Variants in OSBPL6 observed in about 807,000 individuals in gnomAD.
OSBPL6 encodes oxysterol-binding protein-related protein 6.
In OSBPL6, 49 loss-of-function variants were observed where a neutral mutation model predicts 125.8. The ratio of observed to expected loss-of-function variants is 0.39; its 90% CI spans 0.31 to 0.49. The LOEUF (loss-of-function observed/expected upper bound fraction) is 0.49, where lower values mean the gene tolerates loss of function less well. OSBPL6 is among the 20% of genes least tolerant of loss of function. The probability of loss-of-function intolerance (pLI) is 0.88; values close to 1 mark genes in which losing one functional copy is unlikely to be tolerated. For missense variants in OSBPL6, 986 were observed against 1,135.4 expected (o/e 0.87, Z 1.89); for synonymous variants, 394 against 391.8 (o/e 1.01, Z -0.07).
At chr2:178,348,568 G>A (rs1452184702) in intron 11 of OSBPL6, among the ~76,000 whole-genome samples, 1 of 152,148 alleles carries the variant, frequency 6.6e-6, no homozygotes, top group African/African-American at 2.4e-5. Flanking sequence ...CTGCTTCTCA[G>A]TATTGGCTGG....
Position 178,274,153 on chromosome 2 carries a change from T to G in OSBPL6, c.-350-10774T>G, listed in dbSNP as rs557084306. ...CTTGGAAATATTCTGAGCTGATGCT[T>G]TTAGTTATTGCAAGCTAGTAAAAGA... On this transcript the variant is annotated intron_variant, in intron 1 of 24. Coordinates refer to ENST00000190611, the MANE Select transcript of OSBPL6 (RefSeq NM_032523.4). Among the ~76,000 whole-genome samples, 3 of 152,314 alleles carry G rather than the reference T, an allele frequency of 2.0e-5. No individual in the cohort carries two copies. The East Asian group carries it at 5.8e-4, about 29-fold the overall frequency.
At chr2:178,394,007 T>A (rs1186852189) in intron 23 of OSBPL6, among the ~76,000 whole-genome samples, 1 of 152,192 alleles carries the variant, frequency 6.6e-6, no homozygotes, top group Non-Finnish European at 1.5e-5. Flanking sequence ...CCTGAAAATC[T>A]CAAGTTATAG....
chr2:178,336,559 C>T, intron 9 of OSBPL6, 126 bp downstream of exon 9: 2 of 1,073,394 alleles, frequency 1.9e-6, no homozygotes, highest in East Asian at 2.5e-5. Context: ...CCTTTCCTTG[C>T]TCTTTCTCCC....
At chr2:178,242,698 T>G (rs1480809822) in intron 1 of OSBPL6, among the ~76,000 whole-genome samples, 1 of 152,240 alleles carries the variant, frequency 6.6e-6, no homozygotes, top group Non-Finnish European at 1.5e-5. Context: ...GTTGATGCAG[T>G]GATTTTATAC....
chr2:178,220,888 A>G (rs334030), intron 1 of OSBPL6, among the ~76,000 whole-genome samples: 2,670 of 152,274 alleles, frequency 0.018, 75 homozygotes, highest in African/African-American at 0.061. Flanking sequence ...GAGATGCTGC[A>G]TGGAAATATG....
intron 11 of OSBPL6, among the ~76,000 whole-genome samples, chr2:178,341,941 G>A (rs1223172585): frequency 1.6e-4 from 24 of 152,086 alleles, no homozygotes; most frequent in Non-Finnish European, 4.4e-5. Flanking sequence ...TCTAGGATGA[G>A]TATGACAACA....
rs758212853 is a variant in OSBPL6 at position 178,361,765 on chromosome 2, A to G, written c.1237A>G (p.Ser413Gly). The change falls in exon 13 of 25, where the codon AGT (serine) becomes GGT (glycine). Residue 413 changes from serine (S) to glycine (G), a missense_variant. Ser to Gly is a moderately conservative substitution (Grantham distance 56). Around this residue, in one of 3 missense-constraint regions of OSBPL6, gnomAD observed 843 missense variants for 997.3 expected, o/e 0.85. Transcript: ENST00000190611. ...GCAGATGGTTTCCGAGCAGGATCAC[A>G]GTAAAGGCCACAGCACGCAGATGGC... ...LKQMVSEQDHSKGHSTQMARL... is the reference protein window; with the variant it reads ...LKQMVSEQDHGKGHSTQMARL... 17 of 1,614,068 alleles carry G rather than the reference A, an allele frequency of 1.1e-5. No individual in the cohort carries two copies. The highest frequency in any genetic ancestry group is 1.4e-5 in the Non-Finnish European group (16 of 1,180,018).
chr2:178,306,029 G>T lies in OSBPL6; in HGVS notation c.-155-1G>T. ...ATGAGGCTTGTTTGTTTTGCTTTTA[G>T]GTGGTTTGGACACCCTCAATATTGC... On this transcript the variant is annotated splice_acceptor_variant, in intron 2 of 24. Coordinates refer to ENST00000190611, the MANE Select transcript of OSBPL6 (RefSeq NM_032523.4). LOFTEE classifies it low-confidence loss of function (5UTR_SPLICE). 1.9e-6 allele frequency: 1 copy of T among 529,230 alleles called. No homozygotes were observed. 32.8% of individuals were successfully genotyped at this position (529,230 alleles called of 1,614,324 possible). A position where few individuals can be genotyped will look rare whatever the true frequency, so the allele number is the denominator to read the frequency against.
intron 1 of OSBPL6, among the ~76,000 whole-genome samples, chr2:178,196,294 T>C (rs1269245983): frequency 6.6e-6 from 1 of 151,860 alleles, no homozygotes; most frequent in Non-Finnish European, 1.5e-5. Context: ...TAGGAGTTCA[T>C]ATATTTTTTC....
intron 1 of OSBPL6, among the ~76,000 whole-genome samples, chr2:178,201,120 A>C (rs935242935): frequency 6.6e-6 from 1 of 152,054 alleles, no homozygotes; most frequent in African/African-American, 2.4e-5. Flanking sequence ...AAAACTGTAG[A>C]CTCTACAAAT....
intron 1 of OSBPL6, among the ~76,000 whole-genome samples, chr2:178,204,873 C>T (rs2089449973): frequency 6.6e-6 from 1 of 152,166 alleles, no homozygotes; most frequent in African/African-American, 2.4e-5. Context: ...TTGACTGATT[C>T]CTTTTTGCTA....
chr2:178,329,891 T>C (rs1365040637), intron 5 of OSBPL6, among the ~76,000 whole-genome samples: 1 of 152,212 alleles, frequency 6.6e-6, no homozygotes, highest in Non-Finnish European at 1.5e-5. Flanking sequence ...TTATGTATGT[T>C]AACTTCCTTG....
At chr2:178,210,643 T>C (rs934042397) in intron 1 of OSBPL6, among the ~76,000 whole-genome samples, 6 of 151,760 alleles carry the variant, frequency 4.0e-5, no homozygotes, top group African/African-American at 1.5e-4. Flanking sequence ...AAACCCCGCT[T>C]CTACTAAAAA....
intron 1 of OSBPL6, among the ~76,000 whole-genome samples, chr2:178,278,008 C>T (rs1210644582): frequency 1.3e-5 from 2 of 152,170 alleles, no homozygotes; most frequent in Non-Finnish European, 1.5e-5. Flanking sequence ...CTCTGGCTTC[C>T]CCTGCTCTAC....
intron 13 of OSBPL6, among the ~76,000 whole-genome samples, chr2:178,367,907 C>A (rs143256754): frequency 6.6e-6 from 1 of 152,116 alleles, no homozygotes; most frequent in Non-Finnish European, 1.5e-5. Context: ...CCACTAATAG[C>A]GATGTTATTG....
chr2:178,390,945 G>A, intron 21 of OSBPL6, 128 bp from the exon 22 acceptor site: 1 of 1,250,202 alleles, frequency 8.0e-7, no homozygotes, highest in South Asian at 1.5e-5. Flanking sequence ...AACGTTTTGA[G>A]ATTTCTGTAT....
intron 1 of OSBPL6, among the ~76,000 whole-genome samples, chr2:178,246,377 C>T (rs933600735): frequency 1.3e-5 from 2 of 152,124 alleles, no homozygotes; most frequent in Admixed American, 1.3e-4. Context: ...GGCACCTTCT[C>T]CTGTGGCTGC....
intron 1 of OSBPL6, among the ~76,000 whole-genome samples, chr2:178,221,864 G>C (rs2090354155): frequency 2.0e-5 from 3 of 152,198 alleles, no homozygotes; most frequent in African/African-American, 7.2e-5. Context: ...CCTGAGTTCA[G>C]ATCTGTACTG....
chr2:178,377,188 G>A (rs767209706), intron 15 of OSBPL6, among the ~76,000 whole-genome samples: 6 of 152,340 alleles, frequency 3.9e-5, no homozygotes, highest in Middle Eastern at 3.4e-3. Flanking sequence ...TGTACAGGAA[G>A]CATGATGCTG....
Sources: gnomAD v4.1 joint callset for allele counts (sites outside exome capture counted in the v4.1 genomes callset) on GRCh38, gnomAD v4.1.1 for gene constraint, gnomAD v4.1.1 regional missense constraint, MANE v1.5 for transcripts, NCBI Gene and HGNC (gene_info 2026-07-23, HGNC 2026-07-21) for gene names.